The following CRISP1 variants were observed in gnomAD, a reference collection of about 807,000 sequenced individuals.
CRISP1 encodes cysteine rich secretory protein 1.
In CRISP1, 44 loss-of-function variants were observed where a neutral mutation model predicts 33.1. That is an observed-to-expected ratio of 1.33 (90% CI 1.05 to 1.71). CRISP1 has a LOEUF of 1.71. Among genes scored for constraint, CRISP1 ranks in the 40% most tolerant of loss-of-function variants. The probability of loss-of-function intolerance (pLI) is 0.00; values close to 1 mark genes in which losing one functional copy is unlikely to be tolerated. For missense variants in CRISP1, 390 were observed against 301.2 expected, an observed-to-expected ratio of 1.29 and a Z score of -2.18; for synonymous variants, 103 against 98.7, an observed-to-expected ratio of 1.04 and a Z score of -0.26.
At chr6:49,852,402 T>C (rs1303437226) in intron 2 of CRISP1, among the ~76,000 whole-genome samples, 2 of 152,180 alleles carry the variant, frequency 1.3e-5, no homozygotes, top group Non-Finnish European at 2.9e-5. Flanking sequence ...CTTTGGACCA[T>C]GTTGAAGCAC....
At position 49,861,050 on chromosome 6, in the gene CRISP1, A is replaced by T. The variant is rs564743654; in HGVS notation, c.-2-3648T>A. On this transcript the variant is annotated intron_variant, in intron 1 of 7. Coordinates refer to ENST00000335847, the MANE Select transcript of CRISP1 (RefSeq NM_001131.3). ...ACCTACCAAGATTGAATCAGAAAGA[A>T]ATAGAAACCAGAGCTGACCAATAAT... Among the ~76,000 whole-genome samples, 19 of 152,264 alleles carry T rather than the reference A, an allele frequency of 1.2e-4. 2 individuals carry two copies. In the South Asian group the frequency reaches 3.5e-3, roughly 28 times the overall value.
chr6:49,840,776 C>A, intron 6 of CRISP1, 122 bp downstream of exon 6: 1 of 669,524 alleles, frequency 1.5e-6, no homozygotes, highest in Non-Finnish European at 2.5e-6. Flanking sequence ...GGGTTATTTC[C>A]AGCTCTTGTC....
intron 1 of CRISP1, among the ~76,000 whole-genome samples, chr6:49,876,243 T>G (rs563601498): frequency 6.6e-6 from 1 of 152,244 alleles, no homozygotes; most frequent in South Asian, 2.1e-4. Context: ...GAACAGATAC[T>G]TCTCAAAAGA....
intron 7 of CRISP1, among the ~76,000 whole-genome samples, chr6:49,835,925 A>G (rs990616434): frequency 1.3e-5 from 2 of 152,178 alleles, no homozygotes; most frequent in Non-Finnish European, 2.9e-5. Flanking sequence ...GGTTATCTCA[A>G]CTAACATTCT....
upstream of CRISP1, among the ~76,000 whole-genome samples, chr6:49,870,076 C>T (rs1044322187): frequency 3.3e-5 from 5 of 152,154 alleles, no homozygotes; most frequent in Admixed American, 2.0e-4. Context: ...TTGTACATTA[C>T]CCAGTCTAAG....
intron 1 of CRISP1, 64 bp from the exon 2 acceptor site, chr6:49,857,466 C>T (rs1433386316): frequency 2.8e-6 from 4 of 1,449,228 alleles, no homozygotes; most frequent in Admixed American, 1.7e-5. Flanking sequence ...TGGTAATAAA[C>T]TATTTAAACC....
intron 1 of CRISP1, among the ~76,000 whole-genome samples, chr6:49,873,483 T>C (rs1771970364): frequency 1.3e-5 from 2 of 152,058 alleles, no homozygotes; most frequent in South Asian, 4.1e-4. Context: ...ACCCTAAAAT[T>C]TCCTTATGTG....
At chr6:49,857,987 CAGAACAGT>C in intron 1 of CRISP1, among the ~76,000 whole-genome samples, 1 of 152,244 alleles carries the variant, frequency 6.6e-6, no homozygotes, top group East Asian at 1.9e-4. Context: ...TTCTGACCTC[CAGAACAGT>C]AGGATAATAA....
chr6:49,865,691 G>A (rs1185414601), intron 1 of CRISP1, among the ~76,000 whole-genome samples: 1 of 152,136 alleles, frequency 6.6e-6, no homozygotes, highest in Non-Finnish European at 1.5e-5. Flanking sequence ...AAACTGGAAA[G>A]GGAGTGAGGG....
intron 5 of CRISP1, among the ~76,000 whole-genome samples, chr6:49,843,570 G>A (rs1295252063): frequency 6.6e-6 from 1 of 152,140 alleles, no homozygotes; most frequent in East Asian, 1.9e-4. Flanking sequence ...CAGCCTTTGT[G>A]AATTCAATAA....
At chr6:49,876,279 T>C (rs1031026611) in intron 1 of CRISP1, among the ~76,000 whole-genome samples, 9 of 151,982 alleles carry the variant, frequency 5.9e-5, no homozygotes, top group Non-Finnish European at 1.0e-4. Context: ...CAACAACATA[T>C]GAAAAGAAGC....
At chr6:49,875,143 C>T (rs1772008956) in intron 1 of CRISP1, among the ~76,000 whole-genome samples, 1 of 151,792 alleles carries the variant, frequency 6.6e-6, no homozygotes, top group Non-Finnish European at 1.5e-5. Flanking sequence ...TGACACGATC[C>T]TATATATAGA....
At position 49,852,137 on chromosome 6, in the gene CRISP1, C is replaced by A; in HGVS notation, c.67-8G>T. On this transcript the variant is annotated splice_region_variant and splice_polypyrimidine_tract_variant and intron_variant, in intron 2 of 7. Coordinates refer to ENST00000335847, the MANE Select transcript of CRISP1 (RefSeq NM_001131.3). Reference sequence around the variant, plus strand: ...GTCTCTAGCTGATTTCTTCTGTTACCAGAAAAATATTAATTAGTGTTACTT... The same window carrying A: ...GTCTCTAGCTGATTTCTTCTGTTACAAGAAAAATATTAATTAGTGTTACTT... 1.2e-6 allele frequency: 2 copies of A among 1,608,224 alleles called. No homozygotes were observed. Among genetic ancestry groups the A allele is most frequent in the South Asian group, 2.2e-5 (2 of 89,530 alleles).
intron 1 of CRISP1, among the ~76,000 whole-genome samples, chr6:49,864,392 G>A (rs1354192660): frequency 6.8e-6 from 1 of 148,076 alleles, no homozygotes; most frequent in Non-Finnish European, 1.5e-5. Flanking sequence ...CACTGTGTGT[G>A]TGTGTGTGTG....
At chr6:49,868,053 G>A (rs1771838958), upstream of CRISP1, among the ~76,000 whole-genome samples, 1 of 152,092 alleles carries the variant, frequency 6.6e-6, no homozygotes, top group Non-Finnish European at 1.5e-5. Flanking sequence ...AATTGCTCTG[G>A]TTTTATCTGT....
At chr6:49,870,439 T>G (rs112091240), upstream of CRISP1, among the ~76,000 whole-genome samples, 658 of 152,180 alleles carry the variant, frequency 4.3e-3, 4 homozygotes, top group African/African-American at 0.014. Context: ...TATTGTAGGT[T>G]GGAAAGTGAG....
chr6:49,859,898 G>A (rs1305855354), intron 1 of CRISP1, among the ~76,000 whole-genome samples: 2 of 152,014 alleles, frequency 1.3e-5, no homozygotes. Context: ...GATATAGACT[G>A]AAAGCAAAGG....
chr6:49,864,478 CAT>C (rs1350747286), intron 1 of CRISP1, among the ~76,000 whole-genome samples: 2 of 150,774 alleles, frequency 1.3e-5, no homozygotes, highest in Non-Finnish European at 3.0e-5. Flanking sequence ...ATGGTATACA[CAT>C]GTCTTCCTTT....
chr6:49,866,399 AG>A (rs1320521383), intron 1 of CRISP1, 29 bp downstream of exon 1: 1 of 152,204 alleles, frequency 6.6e-6, no homozygotes, highest in African/African-American at 2.4e-5. Flanking sequence ...TTTCAAATAA[AG>A]AAACTGACAA....
Sources: gnomAD v4.1 joint callset for allele counts (sites outside exome capture counted in the v4.1 genomes callset) on GRCh38, gnomAD v4.1.1 for gene constraint, MANE v1.5 for transcripts, NCBI Gene and HGNC (gene_info 2026-07-23, HGNC 2026-07-21) for gene names.